Variants in DCAKD observed in about 807,000 individuals in gnomAD.
DCAKD encodes dephospho-CoA kinase domain-containing protein.
DCAKD carries 15 observed loss-of-function variants against 18.7 expected under a neutral mutation model. The ratio of observed to expected loss-of-function variants is 0.80; its 90% CI spans 0.54 to 1.24. DCAKD has a LOEUF of 1.24. Among genes scored for constraint, DCAKD ranks in the 50% most tolerant of loss-of-function variants. The pLI is 0.00. For missense variants in DCAKD, 301 were observed against 322.0 expected (o/e 0.93, Z 0.50); for synonymous variants, 130 against 133.0 (o/e 0.98, Z 0.16).
intron 4 of DCAKD, among the ~76,000 whole-genome samples, chr17:45,025,744 CTTTTT>C (rs66731834): frequency 0.16 from 16,693 of 103,968 alleles, 1,198 homozygotes; most frequent in Middle Eastern, 0.23. Flanking sequence ...TTGGTTCCTT[CTTTTT>C]TTTTTTTTTT....
rs76677807 is a variant in DCAKD, at chr17:45,041,790, G to T, written c.-114-6791C>A. Among the ~76,000 whole-genome samples, 422 of 152,118 alleles carry T rather than the reference G, an allele frequency of 2.8e-3. 3 individuals are homozygous for T. The highest frequency in any genetic ancestry group is 9.5e-3 in the African/African-American group (395 of 41,498). On this transcript the variant is annotated intron_variant, in intron 1 of 4. Transcript: ENST00000651974. The stretch of plus-strand genomic sequence containing the variant: ...GTAAAACAATAAACTCACAGTACCA[G>T]TAAGTGTGGTGGTGGTAAGTGGGTA...
upstream of DCAKD, among the ~76,000 whole-genome samples, chr17:45,052,511 C>G (rs2053727961): frequency 6.6e-6 from 1 of 152,156 alleles, no homozygotes; most frequent in Admixed American, 6.5e-5. Context: ...TAGCAAGCCA[C>G]TCAGCCTCTC....
In DCAKD at chr17:45,035,006, G is replaced by C; in HGVS notation, c.-114-7C>G. ...AGAGGAGTGCCAGAAGGACCTGCTT[G>C]GGAGAGGCCAGCGGGACTGATCAGT... On this transcript the variant is annotated splice_region_variant and splice_polypyrimidine_tract_variant and intron_variant, in intron 1 of 4. Coordinates refer to ENST00000651974, the MANE Select transcript of DCAKD (RefSeq NM_001288655.2). 1 of 992,462 alleles carries C rather than the reference G, an allele frequency of 1.0e-6. No homozygotes were observed. The highest frequency in any genetic ancestry group is 1.5e-5 in the South Asian group (1 of 67,416). The allele number at this position is 992,462 out of a possible 1,614,324, so 61.5% of individuals were successfully genotyped here. A position where few individuals can be genotyped will look rare whatever the true frequency, so the allele number is the denominator to read the frequency against.
In DCAKD at chr17:45,048,088, A is replaced by G. The variant is rs577068764; in HGVS notation, c.-115+3273T>C. On this transcript the variant is annotated intron_variant, in intron 1 of 4. Coordinates refer to ENST00000651974, the MANE Select transcript of DCAKD (RefSeq NM_001288655.2). Reference sequence around the variant, plus strand: ...TATGATAAACCAAAGGCTTTCAGGCATAAAATGTATTATTACATGGTCAGG... The same window carrying G: ...TATGATAAACCAAAGGCTTTCAGGCGTAAAATGTATTATTACATGGTCAGG... Among the ~76,000 whole-genome samples, 19 of 152,266 alleles carry G rather than the reference A, an allele frequency of 1.2e-4. No individual in the cohort carries two copies. In the East Asian group the frequency reaches 3.7e-3, roughly 29 times the overall value.
chr17:45,042,833 G>A (rs979872833), intron 1 of DCAKD, among the ~76,000 whole-genome samples: 2 of 152,162 alleles, frequency 1.3e-5, no homozygotes, highest in Admixed American at 6.5e-5. Flanking sequence ...AGAGCCACAA[G>A]GAAAGGAGCT....
rs1208430324 is a variant in DCAKD, at chr17:45,030,098, A to G, written c.398T>C (p.Val133Ala). 6.2e-7 allele frequency: 1 copy of G among 1,613,736 alleles called. No homozygotes were observed. Among genetic ancestry groups the G allele is most frequent in the Non-Finnish European group, 8.5e-7 (1 of 1,179,656 alleles). Residue 133 changes from valine (V) to alanine (A), a missense_variant, in exon 4 of 5, where the codon GTA becomes GCA. Val to Ala is a moderately conservative substitution (Grantham distance 64). Coordinates refer to ENST00000651974, the MANE Select transcript of DCAKD (RefSeq NM_001288655.2). ...GGGCATGCTACACACTCACCAGTAT[A>G]CTACCACGGTGTGCTTCATGTACTT... is the stretch of plus-strand genomic sequence containing the variant. ...LLKYMKHTVV[V>A]YCDRDTQLAR...
intron 4 of DCAKD, among the ~76,000 whole-genome samples, chr17:45,029,377 T>C (rs563527829): frequency 7.9e-5 from 12 of 152,334 alleles, no homozygotes; most frequent in African/African-American, 2.9e-4. Flanking sequence ...ATGCCCAAAA[T>C]ACCAGCAGAG....
At chr17:45,028,171 C>T (rs1478583343) in intron 4 of DCAKD, among the ~76,000 whole-genome samples, 2 of 148,752 alleles carry the variant, frequency 1.3e-5, no homozygotes, top group Non-Finnish European at 3.0e-5. Flanking sequence ...TGCAGTGGTG[C>T]GATCTCAGCT....
chr17:45,061,077 T>C (rs2053845642), exon 1 of DCAKD: 2 of 1,281,618 alleles, frequency 1.6e-6, no homozygotes, highest in African/African-American at 1.5e-5. Context: ...CCACCAACCT[T>C]GCGCCCCTTC....
chr17:45,054,813 G>A (rs2053763064), upstream of DCAKD, among the ~76,000 whole-genome samples: 1 of 152,188 alleles, frequency 6.6e-6, no homozygotes, highest in African/African-American at 2.4e-5. Context: ...GACAGGGATA[G>A]GAACAGGCCT....
At chr17:45,040,724 G>C (rs1005567432) in intron 1 of DCAKD, among the ~76,000 whole-genome samples, 1 of 152,142 alleles carries the variant, frequency 6.6e-6, no homozygotes, top group African/African-American at 2.4e-5. Flanking sequence ...CAAAGAAAAG[G>C]GCAAGGAGTT....
intron 1 of DCAKD, among the ~76,000 whole-genome samples, chr17:45,057,342 T>C (rs1234913327): frequency 6.7e-6 from 1 of 149,986 alleles, no homozygotes; most frequent in Non-Finnish European, 1.5e-5. Context: ...CTCACCCAGC[T>C]ATATTTCTGC....
rs2143197049 is a variant in DCAKD at position 45,030,197 on chromosome 17, AT to A, written c.317-19del. 2 of 1,609,960 alleles carry A rather than the reference AT, an allele frequency of 1.2e-6. No individual in the cohort carries two copies. The highest frequency in any genetic ancestry group is 1.7e-6 in the Non-Finnish European group (2 of 1,176,254). On this transcript the variant is annotated intron_variant, in intron 3 of 4. Coordinates refer to ENST00000651974, the MANE Select transcript of DCAKD (RefSeq NM_001288655.2). Reference sequence around the variant, plus strand: ...GCGGTATCCTGGGGAGAGGTTGGAAATCCCCCAAGTTCAATTCTGCAAGCGC... The same window carrying A: ...GCGGTATCCTGGGGAGAGGTTGGAAACCCCCAAGTTCAATTCTGCAAGCGC...
chr17:45,028,157 G>A (rs1246884583), intron 4 of DCAKD, among the ~76,000 whole-genome samples: 3 of 149,342 alleles, frequency 2.0e-5, no homozygotes, highest in Non-Finnish European at 3.0e-5. Flanking sequence ...CGCCCAGGCT[G>A]GAGTGCAGTG....
chr17:45,061,035 C>T, exon 1 of DCAKD: 1 of 1,185,198 alleles, frequency 8.4e-7, no homozygotes. Context: ...TCCCATCATG[C>T]CAGGCGGCCG....
In DCAKD at chr17:45,034,794, A is replaced by C. The variant is rs774852425; in HGVS notation, c.92T>G (p.Val31Gly). 1.2e-6 allele frequency: 2 copies of C among 1,614,180 alleles called. No homozygotes were observed. Among genetic ancestry groups the C allele is most frequent in the Non-Finnish European group, 1.7e-6 (2 of 1,180,030 alleles). Residue 31 changes from valine to glycine, a missense_variant, in exon 2 of 5, where the codon GTG becomes GGG. Physicochemically the swap from Val to Gly is moderately radical, Grantham distance 109. Coordinates refer to ENST00000651974, the MANE Select transcript of DCAKD (RefSeq NM_001288655.2). The part of the protein sequence containing the change: ...FQQLGCAVID[V>G]DVMARHVVQP... Reference sequence around the variant, plus strand: ...CTCACCGTGCCGGGCCATCACGTCCACGTCAATCACCGCACAGCCCAGCTG... The same window carrying C: ...CTCACCGTGCCGGGCCATCACGTCCCCGTCAATCACCGCACAGCCCAGCTG...
intron 1 of DCAKD, among the ~76,000 whole-genome samples, chr17:45,040,895 G>A (rs1437059496): frequency 6.6e-6 from 1 of 152,126 alleles, no homozygotes; most frequent in Non-Finnish European, 1.5e-5. Flanking sequence ...GTAGCCCCAA[G>A]AAGAATAAAT....
At chr17:45,043,535 A>G (rs2053488957) in intron 1 of DCAKD, among the ~76,000 whole-genome samples, 1 of 152,214 alleles carries the variant, frequency 6.6e-6, no homozygotes, top group African/African-American at 2.4e-5. Context: ...AGCTGGGCAC[A>G]TACCAAGGAA....
intron 1 of DCAKD, among the ~76,000 whole-genome samples, chr17:45,058,530 G>A (rs765057508): frequency 3.3e-5 from 5 of 151,678 alleles, no homozygotes; most frequent in Non-Finnish European, 5.9e-5. Context: ...AAAGATTCTC[G>A]CGTCTCAGCC....
Sources: gnomAD v4.1 joint callset for allele counts (sites outside exome capture counted in the v4.1 genomes callset) on GRCh38, gnomAD v4.1.1 for gene constraint, MANE v1.5 for transcripts, NCBI Gene and HGNC (gene_info 2026-07-23, HGNC 2026-07-21) for gene names.